Variants in USP47 observed in about 807,000 individuals in gnomAD.
USP47 encodes ubiquitin specific peptidase 47.
A neutral mutation model predicts 165.1 loss-of-function variants in USP47; 35 were observed. The observed-to-expected ratio is 0.21, with a 90% CI of 0.16 to 0.28. The LOEUF (loss-of-function observed/expected upper bound fraction) is 0.28, where lower values mean the gene tolerates loss of function less well. USP47 is among the 10% of genes least tolerant of loss of function. USP47 has a pLI of 1.00. For synonymous variants in USP47, 531 were observed against 544.5 expected (o/e 0.98, Z 0.35); for missense variants, 1,277 against 1,607.4 (o/e 0.79, Z 3.52).
intron 2 of USP47, among the ~76,000 whole-genome samples, chr11:11,883,458 G>C (rs1052819346): frequency 3.3e-5 from 5 of 152,268 alleles, no homozygotes; most frequent in Non-Finnish European, 5.9e-5. Flanking sequence ...AAGTCACACA[G>C]ATAGTAAGTA....
rs375847639 is a variant in USP47, at chr11:11,961,184, G to C, written c.*5009G>C. ...GGCCACATCCTAAACCCTGTATCCT[G>C]TGATTATTTACCTGACAGGGCAAAA... On this transcript the variant is annotated 3_prime_UTR_variant, in exon 28 of 28. Coordinates refer to ENST00000527733, the MANE Select transcript of USP47 (RefSeq NM_001282659.2). 6.6e-5 allele frequency among the ~76,000 whole-genome samples: 10 copies of C among 152,322 alleles called. No individual in the cohort carries two copies. Among genetic ancestry groups the C allele is most frequent in the African/African-American group, 1.9e-4 (8 of 41,580 alleles).
At chr11:11,908,678 G>A (rs1008972928) in intron 8 of USP47, among the ~76,000 whole-genome samples, 1 of 150,534 alleles carries the variant, frequency 6.6e-6, no homozygotes, top group African/African-American at 2.4e-5. Context: ...ATAAGCTCCC[G>A]TAAAGTAGGG....
intron 24 of USP47, chr11:11,951,549 G>A (rs1856226142): frequency 6.6e-6 from 1 of 152,088 alleles, no homozygotes; most frequent in Non-Finnish European, 1.5e-5. Context: ...TAAACAACTA[G>A]TTCTATATTC....
At position 11,880,348 on chromosome 11, in the gene USP47, G is replaced by A; in HGVS notation, c.211G>A (p.Val71Met). Residue 71 changes from valine to methionine, a missense_variant, in exon 2 of 28, where the codon GTG (valine) becomes ATG (methionine). This residue lies in a region of USP47 where 181 missense variants were observed against 194.7 expected (regional missense o/e 0.93). Transcript: ENST00000527733. ...VGYINGTFDLVWGNGINTADM... is the reference protein window; with the variant it reads ...VGYINGTFDLMWGNGINTADM... ...CTACATAAATGGAACCTTTGACTTGGTGTGGGGAAATGGAATCAATACTGC... is the reference window on the plus strand; with the variant it reads ...CTACATAAATGGAACCTTTGACTTGATGTGGGGAAATGGAATCAATACTGC... 3.7e-6 allele frequency: 5 copies of A among 1,353,126 alleles called. No individual in the cohort carries two copies. The highest frequency in any genetic ancestry group is 1.9e-5 in the South Asian group (1 of 51,380). 83.8% of individuals were successfully genotyped at this position (1,353,126 alleles called of 1,614,324 possible).
At position 11,958,093 on chromosome 11, in the gene USP47, TG is replaced by T. The variant is rs367571998; in HGVS notation, c.*1922del. 3 of 152,212 alleles carry T rather than the reference TG, an allele frequency of 2.0e-5. No individual in the cohort carries two copies. The highest frequency in any genetic ancestry group is 7.2e-5 in the African/African-American group (3 of 41,448). The allele number at this position is 152,212 out of a possible 1,614,324, so 9.4% of individuals were successfully genotyped here. A position where few individuals can be genotyped will look rare whatever the true frequency, so the allele number is the denominator to read the frequency against. On this transcript the variant is annotated 3_prime_UTR_variant, in exon 28 of 28. Transcript: ENST00000527733. ...TTACTTGGGATGTAGGGTTAGTAAA[TG>T]GGGTTTCTGCTTTAAAGGACTGACT... is the stretch of plus-strand genomic sequence containing the variant.
chr11:11,917,021 A>T (rs7481307), intron 8 of USP47, among the ~76,000 whole-genome samples: 1 of 151,810 alleles, frequency 6.6e-6, no homozygotes, highest in Non-Finnish European at 1.5e-5. Flanking sequence ...GTTGTGGTGG[A>T]ATGTGCCTGT....
chr11:11,952,810 A>T lies in USP47; in HGVS notation c.3653A>T (p.Lys1218Met), dbSNP rs760752877. Residue 1218 changes from lysine to methionine, a missense_variant, in exon 25 of 28, where the codon AAG (lysine) becomes ATG (methionine). By Grantham distance (95) the Lys-to-Met change is moderately conservative. This residue lies in a region of USP47 where 909 missense variants were observed against 1,068.1 expected (regional missense o/e 0.85). Coordinates refer to ENST00000527733, the MANE Select transcript of USP47 (RefSeq NM_001282659.2). ...AGACGGTGGAAGCCTTCAGAGATGAAGTTGGATCCCTTCCAGGAGGTTGTA... is the reference window on the plus strand; with the variant it reads ...AGACGGTGGAAGCCTTCAGAGATGATGTTGGATCCCTTCCAGGAGGTTGTA... ...LSRRWKPSEM[K>M]LDPFQEVVLE... 15 of 1,613,196 alleles carry T rather than the reference A, an allele frequency of 9.3e-6. No homozygotes were observed. Among genetic ancestry groups the T allele is most frequent in the Non-Finnish European group, 1.2e-5 (14 of 1,179,458 alleles).
chr11:11,956,302 G>C lies in USP47; in HGVS notation c.*127G>C. ...CAGTGACACCAGCACTGATTGGACT[G>C]CCCTACACCAATCAGAAGCTCAGTG... On this transcript the variant is annotated 3_prime_UTR_variant, in exon 28 of 28. Transcript: ENST00000527733. The C allele has an allele frequency of 1.1e-6, 1 of 891,782 alleles. No homozygotes were observed. Among genetic ancestry groups the C allele is most frequent in the Middle Eastern group, 2.4e-4 (1 of 4,178 alleles). The allele number at this position is 891,782 out of a possible 1,614,324, so 55.2% of individuals were successfully genotyped here.
intron 3 of USP47, among the ~76,000 whole-genome samples, chr11:11,890,811 C>T (rs1340095729): frequency 1.3e-5 from 2 of 152,068 alleles, no homozygotes; most frequent in African/African-American, 4.8e-5. Flanking sequence ...TCATATACAC[C>T]ACAGAATACT....
At chr11:11,892,842 A>AG (rs1271380371) in intron 4 of USP47, among the ~76,000 whole-genome samples, 141 of 147,268 alleles carry the variant, frequency 9.6e-4, no homozygotes, top group African/African-American at 3.3e-3. Context: ...AAAGAAAAAG[A>AG]AAAAAAAAAT....
chr11:11,889,569 T>C (rs117536847), intron 3 of USP47, among the ~76,000 whole-genome samples: 1,924 of 152,250 alleles, frequency 0.013, 43 homozygotes, highest in South Asian at 0.07. Flanking sequence ...TACAAACAAA[T>C]GGGAAAACAT....
chr11:11,921,146 ACT>A (rs1008795283), intron 10 of USP47, among the ~76,000 whole-genome samples: 3 of 151,246 alleles, frequency 2.0e-5, no homozygotes, highest in African/African-American at 7.3e-5. Context: ...TATTTTGGAA[ACT>A]CTTCTGATTT....
intron 18 of USP47, 108 bp from the exon 19 acceptor site, chr11:11,940,321 C>T: frequency 8.6e-7 from 1 of 1,157,494 alleles, no homozygotes; most frequent in Admixed American, 3.0e-5. Flanking sequence ...TTATGTTTCT[C>T]TCTGCTGCTT....
chr11:11,930,285 G>A (rs1334005740), intron 13 of USP47, among the ~76,000 whole-genome samples, 165 bp downstream of exon 13: 3 of 152,062 alleles, frequency 2.0e-5, no homozygotes, highest in Non-Finnish European at 2.9e-5. Flanking sequence ...CACTGACATA[G>A]CCATTTGTTT....
At chr11:11,897,575 C>T (rs775525008) in intron 4 of USP47, 22 bp from the exon 5 acceptor site, 3 of 1,507,008 alleles carry the variant, frequency 2.0e-6, no homozygotes, top group Non-Finnish European at 1.8e-6. Flanking sequence ...GATTAATGTA[C>T]ATTTGTATTT....
At chr11:11,848,776 A>T (rs1447399906) in intron 1 of USP47, among the ~76,000 whole-genome samples, 1 of 151,584 alleles carries the variant, frequency 6.6e-6, no homozygotes, top group Non-Finnish European at 1.5e-5. Context: ...CACCTGGCTA[A>T]TTTTTTGTAT....
chr11:11,949,834 A>G, intron 22 of USP47, 55 bp from the exon 23 acceptor site: 1 of 1,199,074 alleles, frequency 8.3e-7, no homozygotes, highest in South Asian at 1.4e-5. Context: ...ATGTGTTAAT[A>G]TTAATGTACT....
intron 1 of USP47, among the ~76,000 whole-genome samples, chr11:11,874,929 A>C (rs1590273593): frequency 6.6e-6 from 1 of 152,106 alleles, no homozygotes; most frequent in African/African-American, 2.4e-5. Flanking sequence ...AATCTGTGGC[A>C]ATACATTAAT....
intron 7 of USP47, 130 bp from the exon 8 acceptor site, chr11:11,905,269 T>C (rs971303913): frequency 2.8e-6 from 1 of 354,184 alleles, no homozygotes. Context: ...AGATAAATAT[T>C]AATGTTTTCA....
Sources: gnomAD v4.1 joint callset for allele counts (sites outside exome capture counted in the v4.1 genomes callset) on GRCh38, gnomAD v4.1.1 for gene constraint, gnomAD v4.1.1 regional missense constraint, MANE v1.5 for transcripts, NCBI Gene and HGNC (gene_info 2026-07-23, HGNC 2026-07-21) for gene names.